CABLES1: variants seen among roughly 807,000 people sequenced by gnomAD.
CABLES1 encodes the protein Cdk5 and Abl enzyme substrate 1.
CABLES1 carries 36 observed loss-of-function variants against 57.8 expected under a neutral mutation model. The observed-to-expected ratio is 0.62, with a 90% CI of 0.48 to 0.82. The LOEUF (loss-of-function observed/expected upper bound fraction) is 0.82, where lower values mean the gene tolerates loss of function less well. CABLES1 is among the 40% of genes least tolerant of loss of function. The pLI is 0.00. For missense variants in CABLES1, 767 were observed against 836.6 expected (o/e 0.92, Z 1.03); for synonymous variants, 374 against 363.0 (o/e 1.03, Z -0.35).
chr18:23,186,541 T>C (rs1384173212), intron 1 of CABLES1, among the ~76,000 whole-genome samples: 2 of 151,782 alleles, frequency 1.3e-5, no homozygotes, highest in African/African-American at 2.4e-5. Context: ...TTCTCCTGCC[T>C]CAGCCTCCCG....
intron 6 of CABLES1, 21 bp downstream of exon 6, chr18:23,236,072 T>A: frequency 6.2e-7 from 1 of 1,611,782 alleles, no homozygotes; most frequent in Non-Finnish European, 8.5e-7. Flanking sequence ...CCTGGCTGGG[T>A]CTGGTAGCTC....
chr18:23,179,054 G>A (rs1020623906), intron 1 of CABLES1, among the ~76,000 whole-genome samples: 1 of 152,208 alleles, frequency 6.6e-6, no homozygotes, highest in African/African-American at 2.4e-5. Flanking sequence ...GGGAGGCCGA[G>A]GCGGGCCAAT....
At chr18:23,140,352 A>G (rs1470697787) in intron 1 of CABLES1, among the ~76,000 whole-genome samples, 1 of 152,034 alleles carries the variant, frequency 6.6e-6, no homozygotes, top group Non-Finnish European at 1.5e-5. Context: ...CCAGGAGGAC[A>G]TGAAGTTGAG....
Position 23,136,095 on chromosome 18 carries a change from C to T in CABLES1, c.333C>T (p.Leu111=), listed in dbSNP as rs1047859346. 4 of 1,181,766 alleles carry T rather than the reference C, an allele frequency of 3.4e-6. No individual in the cohort carries two copies. Among genetic ancestry groups the T allele is most frequent in the Non-Finnish European group, 3.1e-6 (3 of 956,762 alleles). The allele number at this position is 1,181,766 out of a possible 1,614,324, so 73.2% of individuals were successfully genotyped here. A position where few individuals can be genotyped will look rare whatever the true frequency, so the allele number is the denominator to read the frequency against. The change falls in exon 1 of 10, where the codon CTC becomes CTT. Residue 111 remains leucine, a synonymous_variant. Transcript: ENST00000256925. ...ACGARTRFSL[L]AAAERGGCIA... Reference sequence around the variant, plus strand: ...GCGCGAGGACTCGGTTCAGCTTGCTCGCCGCTGCCGAGCGGGGCGGCTGCA... The same window carrying T: ...GCGCGAGGACTCGGTTCAGCTTGCTTGCCGCTGCCGAGCGGGGCGGCTGCA...
chr18:23,201,207 A>G (rs1436650498), intron 3 of CABLES1, among the ~76,000 whole-genome samples: 3 of 152,228 alleles, frequency 2.0e-5, no homozygotes, highest in Admixed American at 6.5e-5. Context: ...TTTAGTACAC[A>G]TGAAAAATAC....
intron 4 of CABLES1, among the ~76,000 whole-genome samples, chr18:23,223,673 T>C (rs1199626435): frequency 6.7e-6 from 1 of 149,746 alleles, no homozygotes; most frequent in Admixed American, 6.7e-5. Flanking sequence ...CTGGAGCCCC[T>C]CTCTGTGTCT....
intron 1 of CABLES1, among the ~76,000 whole-genome samples, chr18:23,151,357 A>T (rs766371066): frequency 6.6e-6 from 1 of 152,126 alleles, no homozygotes; most frequent in African/African-American, 2.4e-5. Flanking sequence ...ACTGCCATGG[A>T]TTGAAGGAGG....
At chr18:23,162,283 G>A (rs963243390) in intron 1 of CABLES1, among the ~76,000 whole-genome samples, 26 of 152,152 alleles carry the variant, frequency 1.7e-4, no homozygotes, top group African/African-American at 6.0e-4. Context: ...GAAATTGTTC[G>A]TAAGAAAGTT....
At chr18:23,250,138 AG>A (rs2048002139) in intron 7 of CABLES1, among the ~76,000 whole-genome samples, 2 of 152,240 alleles carry the variant, frequency 1.3e-5, no homozygotes, top group African/African-American at 4.8e-5. Flanking sequence ...CCCCTCCCAC[AG>A]GCACTTCAAC....
At chr18:23,172,917 G>A (rs772661654) in intron 1 of CABLES1, among the ~76,000 whole-genome samples, 3 of 152,200 alleles carry the variant, frequency 2.0e-5, no homozygotes, top group Non-Finnish European at 4.4e-5. Flanking sequence ...TTGTCTTCCC[G>A]TTTGGATAAC....
intron 1 of CABLES1, among the ~76,000 whole-genome samples, chr18:23,143,089 T>C (rs907938208): frequency 6.6e-6 from 1 of 152,162 alleles, no homozygotes. Flanking sequence ...TAAATAGGCT[T>C]CAGCTGAACT....
At chr18:23,241,244 C>T (rs893088275) in intron 7 of CABLES1, among the ~76,000 whole-genome samples, 4 of 151,910 alleles carry the variant, frequency 2.6e-5, no homozygotes, top group South Asian at 4.2e-4. Flanking sequence ...GAGTGGGCCA[C>T]GTGCAGTGGA....
intron 3 of CABLES1, among the ~76,000 whole-genome samples, chr18:23,207,121 T>C (rs2047369564): frequency 6.6e-6 from 1 of 152,324 alleles, no homozygotes; most frequent in African/African-American, 2.4e-5. Context: ...GTGCACAGTC[T>C]TTAATAAACA....
intron 1 of CABLES1, among the ~76,000 whole-genome samples, chr18:23,176,457 G>A (rs948825254): frequency 7.9e-5 from 12 of 152,248 alleles, no homozygotes; most frequent in Non-Finnish European, 1.6e-4. Context: ...CTAATAGGCC[G>A]TAAGACCCCA....
At chr18:23,172,958 G>C (rs1043523881) in intron 1 of CABLES1, among the ~76,000 whole-genome samples, 2 of 152,224 alleles carry the variant, frequency 1.3e-5, no homozygotes, top group Non-Finnish European at 2.9e-5. Context: ...CTGAAAACTG[G>C]ATCAGGCTTT....
intron 3 of CABLES1, among the ~76,000 whole-genome samples, chr18:23,198,241 C>CA (rs1341849731): frequency 6.6e-6 from 1 of 152,160 alleles, no homozygotes; most frequent in African/African-American, 2.4e-5. Context: ...GCCTGGGTGA[C>CA]AGAGCAAACC....
chr18:23,251,408 G>A (rs889343392), intron 7 of CABLES1, among the ~76,000 whole-genome samples: 6 of 151,924 alleles, frequency 3.9e-5, no homozygotes, highest in Non-Finnish European at 5.9e-5. Flanking sequence ...CCGAGATTGC[G>A]CCACTGTACT....
chr18:23,155,588 C>A (rs997940598), intron 1 of CABLES1, among the ~76,000 whole-genome samples: 1 of 152,192 alleles, frequency 6.6e-6, no homozygotes, highest in Admixed American at 6.5e-5. Flanking sequence ...ACAATGGGAG[C>A]TAGTTCAGCC....
chr18:23,240,432 C>T (rs2047707227), intron 7 of CABLES1, among the ~76,000 whole-genome samples: 1 of 152,232 alleles, frequency 6.6e-6, no homozygotes, highest in Non-Finnish European at 1.5e-5. Context: ...CTGACTCGGC[C>T]CCAGGCACAG....
Sources: gnomAD v4.1 joint callset for allele counts (sites outside exome capture counted in the v4.1 genomes callset) on GRCh38, gnomAD v4.1.1 for gene constraint, MANE v1.5 for transcripts, NCBI Gene and HGNC (gene_info 2026-07-23, HGNC 2026-07-21) for gene names.